SLIT2: variants seen among roughly 807,000 people sequenced by gnomAD.
SLIT2 encodes slit guidance ligand 2.
SLIT2 carries 41 observed loss-of-function variants against 185.7 expected under a neutral mutation model. That is an observed-to-expected ratio of 0.22 (90% confidence interval 0.17 to 0.29). The LOEUF (loss-of-function observed/expected upper bound fraction) is 0.29. Among genes scored for constraint, SLIT2 ranks in the 10% least tolerant of loss-of-function variants. The pLI, the probability that SLIT2 is intolerant of heterozygous loss-of-function variation, is 1.00. For synonymous variants in SLIT2, 693 were observed against 680.2 expected, an observed-to-expected ratio of 1.02 and a Z score of -0.29; for missense variants, 1,571 against 1,909.0, an observed-to-expected ratio of 0.82 and a Z score of 3.30.
At chr4:20,428,677 C>T (rs1288104870) in intron 4 of SLIT2, among the ~76,000 whole-genome samples, 1 of 152,134 alleles carries the variant, frequency 6.6e-6, no homozygotes, top group Non-Finnish European at 1.5e-5. Context: ...ATGATCTCTC[C>T]TTCCATCTAA....
intron 21 of SLIT2, among the ~76,000 whole-genome samples, chr4:20,543,094 A>AC (rs1722959332): frequency 1.3e-5 from 2 of 151,450 alleles, no homozygotes; most frequent in Admixed American, 1.3e-4. Flanking sequence ...TACCTCTGTG[A>AC]CCCCTAGGAG....
intron 4 of SLIT2, among the ~76,000 whole-genome samples, chr4:20,341,763 G>A (rs1043661164): frequency 2.6e-5 from 4 of 152,168 alleles, no homozygotes; most frequent in East Asian, 1.9e-4. Flanking sequence ...TTAACTAACT[G>A]TATTACATAC....
At chr4:20,264,899 G>T (rs1327599430) in intron 3 of SLIT2, among the ~76,000 whole-genome samples, 1 of 151,878 alleles carries the variant, frequency 6.6e-6, no homozygotes, top group African/African-American at 2.4e-5. Flanking sequence ...ATTCCATTGA[G>T]GGGTGATGAC....
At chr4:20,467,935 A>T in intron 5 of SLIT2, 112 bp downstream of exon 5, 2 of 554,360 alleles carry the variant, frequency 3.6e-6, no homozygotes, top group Admixed American at 6.9e-5. Flanking sequence ...GTGTATATTT[A>T]TGCTTGCGTA....
intron 18 of SLIT2, among the ~76,000 whole-genome samples, chr4:20,536,607 A>T (rs1047278925): frequency 4.0e-5 from 6 of 148,982 alleles, no homozygotes; most frequent in African/African-American, 1.5e-4. Context: ...CTGTACACTT[A>T]GGCTTCACTA....
In SLIT2 at chr4:20,594,146, CACAT is replaced by C. The variant is rs1281038792; in HGVS notation, c.3183-1545_3183-1542del. On this transcript the variant is annotated intron_variant, in intron 30 of 36. Coordinates refer to ENST00000504154, the MANE Select transcript of SLIT2 (RefSeq NM_004787.4). ...ATGTGCATATATATACATATATACA[CACAT>C]ACATATGTATGTGTGTATATATGTA... 5.4e-5 allele frequency among the ~76,000 whole-genome samples: 8 copies of C among 148,018 alleles called. No homozygotes were observed. In the South Asian group the frequency reaches 8.5e-4, roughly 16 times the overall value.
At position 20,605,959 on chromosome 4, in the gene SLIT2, G is replaced by A. The variant is rs538607547; in HGVS notation, c.3693-4054G>A. ...AGACAGGGTTTCACCATATTGCCCA[G>A]GCTGGTCTCAAACTCCTGAGCTCAA... is the stretch of plus-strand genomic sequence containing the variant. On this transcript the variant is annotated intron_variant, in intron 33 of 36. Transcript: ENST00000504154. Among the ~76,000 whole-genome samples, 66 of 151,800 alleles carry A rather than the reference G, an allele frequency of 4.3e-4. 1 individual carries two copies. The South Asian group carries it at 0.013, about 30-fold the overall frequency.
At chr4:20,475,752 C>T (rs2148768772) in intron 5 of SLIT2, among the ~76,000 whole-genome samples, 1 of 152,194 alleles carries the variant, frequency 6.6e-6, no homozygotes, top group South Asian at 2.1e-4. Context: ...TTGATTAGTT[C>T]ACTTACAATT....
intron 4 of SLIT2, among the ~76,000 whole-genome samples, chr4:20,270,585 G>GTTTCC (rs1415611080): frequency 2.6e-5 from 4 of 151,986 alleles, no homozygotes; most frequent in African/African-American, 9.7e-5. Context: ...CAGGCAGCTA[G>GTTTCC]AAAATGTGTT....
At chr4:20,541,097 G>A (rs190426945) in intron 19 of SLIT2, among the ~76,000 whole-genome samples, 1 of 152,286 alleles carries the variant, frequency 6.6e-6, no homozygotes, top group African/African-American at 2.4e-5. Flanking sequence ...TCAGTGCGAA[G>A]TTTGACAGCA....
chr4:20,610,076 C>T lies in SLIT2; in HGVS notation c.3756C>T (p.Leu1252=). 1 of 1,613,772 alleles carries T rather than the reference C, an allele frequency of 6.2e-7. No individual in the cohort carries two copies. Among genetic ancestry groups the T allele is most frequent in the Non-Finnish European group, 8.5e-7 (1 of 1,179,758 alleles). Residue 1252 remains leucine (L), a synonymous_variant, in exon 34 of 37, where the codon CTC becomes CTT. Coordinates refer to ENST00000504154, the MANE Select transcript of SLIT2 (RefSeq NM_004787.4). ...IVELLALDQS[L]SLSVDGGNPK... ...AACTACTTGCCTTGGATCAGAGTCTCTCTTTGTCCGTGGATGGTGGGAACC... is the reference window on the plus strand; with the variant it reads ...AACTACTTGCCTTGGATCAGAGTCTTTCTTTGTCCGTGGATGGTGGGAACC...
chr4:20,561,424 G>T (rs958959595), intron 26 of SLIT2, among the ~76,000 whole-genome samples: 1 of 151,684 alleles, frequency 6.6e-6, no homozygotes, highest in African/African-American at 2.4e-5. Context: ...CATTTTGGAC[G>T]AGTTTTTGAT....
At chr4:20,494,089 C>A (rs1454601361) in intron 9 of SLIT2, among the ~76,000 whole-genome samples, 2 of 152,206 alleles carry the variant, frequency 1.3e-5, no homozygotes, top group South Asian at 2.1e-4. Context: ...GAGTTTTAAT[C>A]TGACTTTTCT....
rs115784923 is a variant in SLIT2 at position 20,421,824 on chromosome 4, C to G, written c.396-45928C>G. Among the ~76,000 whole-genome samples, 1,063 of 152,294 alleles carry G rather than the reference C, an allele frequency of 7.0e-3. 22 individuals are homozygous for G. The highest frequency in any genetic ancestry group is 0.024 in the African/African-American group (1,005 of 41,558). On this transcript the variant is annotated intron_variant, in intron 4 of 36. Transcript: ENST00000504154. Reference sequence around the variant, plus strand: ...AACGGAATGTTTTCTTTGCCTCCCTCCTTCCCTTTCTCCATTTGACAGCAC... The same window carrying G: ...AACGGAATGTTTTCTTTGCCTCCCTGCTTCCCTTTCTCCATTTGACAGCAC...
chr4:20,417,369 G>T (rs1727762844), intron 4 of SLIT2, among the ~76,000 whole-genome samples: 1 of 149,478 alleles, frequency 6.7e-6, no homozygotes, highest in Admixed American at 6.8e-5. Flanking sequence ...CTTCTGACAT[G>T]CCCAGCTAGC....
intron 29 of SLIT2, among the ~76,000 whole-genome samples, chr4:20,571,129 A>G (rs1725570489): frequency 6.6e-6 from 1 of 152,070 alleles, no homozygotes; most frequent in Non-Finnish European, 1.5e-5. Context: ...TAGCCAAACC[A>G]TTTTTTAGCC....
rs148270595 is a variant in SLIT2 at position 20,591,337 on chromosome 4, G to A, written c.3182+1600G>A. On this transcript the variant is annotated intron_variant, in intron 30 of 36. Coordinates refer to ENST00000504154, the MANE Select transcript of SLIT2 (RefSeq NM_004787.4). ...ATATTTTAAGTCGGGTGGGAGAGTG[G>A]GGTCAGAATCGCCAGATCCCCACTG... is the stretch of plus-strand genomic sequence containing the variant. Among the ~76,000 whole-genome samples, 9 of 152,060 alleles carry A rather than the reference G, an allele frequency of 5.9e-5. No homozygotes were observed. In the East Asian group the frequency reaches 1.4e-3, roughly 23 times the overall value.
At chr4:20,300,555 AT>A (rs1716941320) in intron 4 of SLIT2, among the ~76,000 whole-genome samples, 1 of 152,000 alleles carries the variant, frequency 6.6e-6, no homozygotes, top group South Asian at 2.1e-4. Flanking sequence ...GATATAATAT[AT>A]GATGAGTGCA....
intron 29 of SLIT2, among the ~76,000 whole-genome samples, chr4:20,578,809 T>C (rs1014204209): frequency 2.6e-5 from 4 of 152,170 alleles, no homozygotes; most frequent in Non-Finnish European, 4.4e-5. Context: ...CAACATCCAT[T>C]TAGTGTAAAA....
Sources: allele counts gnomAD v4.1 joint callset (sites outside exome capture counted in the v4.1 genomes callset), GRCh38; gene constraint gnomAD v4.1.1; transcripts MANE v1.5; gene names NCBI Gene and HGNC (gene_info 2026-07-23, HGNC 2026-07-21).